Variants in ARHGAP10 observed in about 807,000 individuals in gnomAD.
ARHGAP10 encodes the protein Rho GTPase activating protein 10, also known as rho GTPase-activating protein 10.
ARHGAP10 carries 87 observed loss-of-function variants against 108.6 expected under a neutral mutation model. The ratio of observed to expected loss-of-function variants is 0.80; its 90% CI spans 0.67 to 0.96. The LOEUF (loss-of-function observed/expected upper bound fraction) is 0.96. ARHGAP10 is among the 40% of genes least tolerant of loss of function. The probability of loss-of-function intolerance (pLI) is 0.00; values close to 1 mark genes in which losing one functional copy is unlikely to be tolerated. For missense variants in ARHGAP10, 939 were observed against 954.5 expected (o/e 0.98, Z 0.21); for synonymous variants, 347 against 341.1 (o/e 1.02, Z -0.19).
At chr4:148,038,962 C>CT (rs1728501129) in intron 19 of ARHGAP10, among the ~76,000 whole-genome samples, 1 of 123,612 alleles carries the variant, frequency 8.1e-6, no homozygotes, top group Non-Finnish European at 1.6e-5. Context: ...TGTTATTTCT[C>CT]TGTTACTTTC....
In ARHGAP10 at chr4:147,966,664, C is replaced by G. The variant is rs533226334; in HGVS notation, c.1557-16C>G. 2.6e-6 allele frequency: 4 copies of G among 1,549,212 alleles called. No individual in the cohort carries two copies. The highest frequency in any genetic ancestry group is 2.5e-5 in the South Asian group (2 of 80,244). On this transcript the variant is annotated splice_polypyrimidine_tract_variant and intron_variant, in intron 17 of 22. Transcript: ENST00000336498. Reference sequence around the variant, plus strand: ...TCCTTTGGTTAAACAGATTCCTCCCCCCTTACCAATTTCAGTGTTTCAAAT... The same window carrying G: ...TCCTTTGGTTAAACAGATTCCTCCCGCCTTACCAATTTCAGTGTTTCAAAT...
chr4:147,995,131 G>C (rs965762169), intron 18 of ARHGAP10, among the ~76,000 whole-genome samples: 1 of 152,126 alleles, frequency 6.6e-6, no homozygotes, highest in South Asian at 2.1e-4. Context: ...TATTGAGATA[G>C]ATCCAAACTG....
intron 16 of ARHGAP10, among the ~76,000 whole-genome samples, chr4:147,957,562 A>G (rs1738831345): frequency 6.6e-6 from 1 of 152,184 alleles, no homozygotes; most frequent in Non-Finnish European, 1.5e-5. Context: ...TGACTGCTAA[A>G]ATTACTAAGC....
chr4:148,044,756 C>A (rs981499091), intron 19 of ARHGAP10, among the ~76,000 whole-genome samples: 1 of 152,066 alleles, frequency 6.6e-6, no homozygotes, highest in Non-Finnish European at 1.5e-5. Context: ...GAGTTGAGCT[C>A]GCTGGGCACA....
chr4:147,733,655 CAT>C (rs1033241212), intron 1 of ARHGAP10, among the ~76,000 whole-genome samples: 27 of 152,336 alleles, frequency 1.8e-4, no homozygotes, highest in African/African-American at 6.0e-4. Context: ...GCGATTAAAA[CAT>C]ATTGATTATA....
At chr4:147,905,585 G>T (rs2126907881) in intron 10 of ARHGAP10, among the ~76,000 whole-genome samples, 1 of 127,014 alleles carries the variant, frequency 7.9e-6, no homozygotes. Context: ...CTGTTCCATT[G>T]ATCTATATCT....
At chr4:147,963,589 T>A (rs1739086443) in intron 16 of ARHGAP10, among the ~76,000 whole-genome samples, 1 of 152,222 alleles carries the variant, frequency 6.6e-6, no homozygotes, top group Non-Finnish European at 1.5e-5. Flanking sequence ...GTATAATAAT[T>A]CCAAAGTTTG....
In ARHGAP10 at chr4:147,900,045, G is replaced by A. The variant is rs118046330; in HGVS notation, c.1035-6593G>A. The stretch of plus-strand genomic sequence containing the variant: ...GTGAATGTTTCTCTCTGCTTTTTTC[G>A]TTGTGTATTTTCTGAATTTATAAGC... On this transcript the variant is annotated intron_variant, in intron 10 of 22. Transcript: ENST00000336498. 5.4e-3 allele frequency among the ~76,000 whole-genome samples: 818 copies of A among 151,856 alleles called. 16 individuals carry two copies. The East Asian group carries it at 0.058, about 11-fold the overall frequency.
chr4:147,899,959 T>A (rs958882057), intron 10 of ARHGAP10, among the ~76,000 whole-genome samples: 1 of 152,078 alleles, frequency 6.6e-6, no homozygotes, highest in Non-Finnish European at 1.5e-5. Context: ...AGTTTTGATA[T>A]CTGCTTCTTT....
Position 147,881,907 on chromosome 4 carries a change from TG to T in ARHGAP10, c.1010del (p.Cys337PhefsTer4). Reference protein sequence around the residue: ...RHTDSIDRRFCFDIEAADRPG... With the variant: ...RHTDSIDRRFXFDIEAADRPG... Reference sequence around the variant, plus strand: ...TACTGACTCCATTGACAGAAGGTTTTGTTTTGACATAGAAGCTGCTGATCGG... The same window carrying T: ...TACTGACTCCATTGACAGAAGGTTTTTTTTGACATAGAAGCTGCTGATCGG... On this transcript the variant is annotated frameshift_variant, in exon 10 of 23. Coordinates refer to ENST00000336498, the MANE Select transcript of ARHGAP10 (RefSeq NM_024605.4). LOFTEE classifies it high-confidence loss of function. 6.2e-7 allele frequency: 1 copy of T among 1,614,140 alleles called. No homozygotes were observed. The highest frequency in any genetic ancestry group is 8.5e-7 in the Non-Finnish European group (1 of 1,179,990).
At chr4:147,964,600 G>T (rs1739134699) in intron 16 of ARHGAP10, among the ~76,000 whole-genome samples, 1 of 152,136 alleles carries the variant, frequency 6.6e-6, no homozygotes, top group South Asian at 2.1e-4. Context: ...TTTTTGAGGG[G>T]GTTATCCTGT....
chr4:147,790,499 A>G (rs1260698829), intron 1 of ARHGAP10, among the ~76,000 whole-genome samples: 1 of 152,212 alleles, frequency 6.6e-6, no homozygotes, highest in African/African-American at 2.4e-5. Flanking sequence ...ATATTCTAAG[A>G]TGTAACAAAA....
chr4:148,071,903 G>A, intron 22 of ARHGAP10, 90 bp from the exon 23 acceptor site: 1 of 1,090,022 alleles, frequency 9.2e-7, no homozygotes. Context: ...GTTCTCTACT[G>A]GCCACTCCCT....
intron 1 of ARHGAP10, among the ~76,000 whole-genome samples, chr4:147,737,576 G>A (rs1578982937): frequency 1.3e-5 from 2 of 152,122 alleles, no homozygotes; most frequent in African/African-American, 4.8e-5. Flanking sequence ...AAATTGCAGG[G>A]TAATTTTTTC....
At chr4:147,758,711 G>T (rs774408395) in intron 1 of ARHGAP10, among the ~76,000 whole-genome samples, 1 of 151,720 alleles carries the variant, frequency 6.6e-6, no homozygotes, top group Non-Finnish European at 1.5e-5. Flanking sequence ...GAGTGTGGTG[G>T]CTCAGGCCTG....
chr4:148,052,079 T>C (rs4835477), intron 20 of ARHGAP10, among the ~76,000 whole-genome samples: 146,587 of 152,266 alleles, frequency 0.96, 70,589 homozygotes, highest in East Asian at 1. Flanking sequence ...CACAGTAAAC[T>C]GTGAATGATT....
At chr4:147,873,708 A>ACACACACACACACACACG (rs1196985483) in intron 7 of ARHGAP10, among the ~76,000 whole-genome samples, 3 of 150,230 alleles carry the variant, frequency 2.0e-5, no homozygotes, top group African/African-American at 7.3e-5. Context: ...ACACACACAC[A>ACACACACACACACACACG]CACACACACA....
At chr4:147,826,742 A>G (rs956720154) in intron 3 of ARHGAP10, among the ~76,000 whole-genome samples, 1 of 152,124 alleles carries the variant, frequency 6.6e-6, no homozygotes, top group Non-Finnish European at 1.5e-5. Flanking sequence ...TTCATTCACA[A>G]ATACTTCAGT....
At chr4:147,784,831 A>C (rs867467826) in intron 1 of ARHGAP10, among the ~76,000 whole-genome samples, 1 of 54,240 alleles carries the variant, frequency 1.8e-5, no homozygotes, top group Non-Finnish European at 2.9e-5. Context: ...ATATATTATA[A>C]ATATATTATA....
Sources: gnomAD v4.1 joint callset for allele counts (sites outside exome capture counted in the v4.1 genomes callset) on GRCh38, gnomAD v4.1.1 for gene constraint, MANE v1.5 for transcripts, NCBI Gene and HGNC (gene_info 2026-07-23, HGNC 2026-07-21) for gene names.